The following SYTL3 variants were observed in gnomAD, a reference collection of about 807,000 sequenced individuals.
The protein encoded by SYTL3 is synaptotagmin-like protein 3.
SYTL3 carries 88 observed loss-of-function variants against 82.1 expected under a neutral mutation model. The observed-to-expected ratio is 1.07, with a 90% CI of 0.90 to 1.28. SYTL3 has a LOEUF of 1.28. Among genes scored for constraint, SYTL3 ranks in the 50% most tolerant of loss-of-function variants. The pLI, the probability that SYTL3 is intolerant of heterozygous loss-of-function variation, is 0.00. For synonymous variants in SYTL3, 311 were observed against 289.4 expected (o/e 1.07, Z -0.76); for missense variants, 831 against 757.6 (o/e 1.10, Z -1.14).
At chr6:158,713,988 C>A in intron 9 of SYTL3, 110 bp downstream of exon 9, 1 of 774,990 alleles carries the variant, frequency 1.3e-6, no homozygotes. Context: ...AGGCCACTCA[C>A]TTTGTCTCTG....
chr6:158,651,665 G>T (rs765523857), intron 1 of SYTL3, 88 bp from the exon 2 acceptor site: 1 of 151,868 alleles, frequency 6.6e-6, no homozygotes, highest in Admixed American at 6.6e-5. Context: ...CAAGTTTAAA[G>T]TATGAATGCC....
intron 17 of SYTL3, 76 bp downstream of exon 17, chr6:158,763,585 C>G (rs925753334): frequency 1.4e-5 from 19 of 1,312,530 alleles, no homozygotes; most frequent in Non-Finnish European, 1.9e-5. Flanking sequence ...GAAAATGCTT[C>G]CACCAGGGCA....
At chr6:158,762,399 GAT>G (rs1188956098) in intron 16 of SYTL3, among the ~76,000 whole-genome samples, 1 of 152,072 alleles carries the variant, frequency 6.6e-6, no homozygotes, top group African/African-American at 2.4e-5. Context: ...TCAGTTCTGT[GAT>G]ATCAGGAAGC....
chr6:158,692,238 A>G (rs1445031573), intron 6 of SYTL3, among the ~76,000 whole-genome samples: 17 of 122,940 alleles, frequency 1.4e-4, no homozygotes, highest in African/African-American at 5.0e-4. Flanking sequence ...AGCCTGGGCG[A>G]CAGAGCGAGA....
At chr6:158,756,984 C>A (rs1324024705) in intron 13 of SYTL3, among the ~76,000 whole-genome samples, 3 of 150,788 alleles carry the variant, frequency 2.0e-5, no homozygotes, top group African/African-American at 7.3e-5. Context: ...GGGAGGGGTT[C>A]TTGAGCAGAG....
intron 6 of SYTL3, among the ~76,000 whole-genome samples, chr6:158,689,757 G>A (rs1446849601): frequency 2.0e-5 from 3 of 151,804 alleles, no homozygotes; most frequent in South Asian, 2.1e-4. Flanking sequence ...AGGTTCAAGC[G>A]ATTCTTCTGC....
At chr6:158,696,457 C>T (rs891487828) in intron 6 of SYTL3, among the ~76,000 whole-genome samples, 4 of 151,788 alleles carry the variant, frequency 2.6e-5, no homozygotes, top group Non-Finnish European at 5.9e-5. Context: ...CCTGCCTCGG[C>T]CTCCCAAAGT....
intron 13 of SYTL3, 91 bp from the exon 14 acceptor site, chr6:158,757,120 G>C (rs913347085): frequency 7.6e-7 from 1 of 1,309,346 alleles, no homozygotes; most frequent in African/African-American, 1.5e-5. Flanking sequence ...GCCCCGGGAA[G>C]TGGGGCCCTG....
At chr6:158,718,981 C>A (rs944269318) in intron 10 of SYTL3, among the ~76,000 whole-genome samples, 1 of 152,198 alleles carries the variant, frequency 6.6e-6, no homozygotes, top group African/African-American at 2.4e-5. Context: ...GTCAGCCCCC[C>A]TCTCCTGCTG....
intron 6 of SYTL3, among the ~76,000 whole-genome samples, chr6:158,683,834 T>C (rs964572948): frequency 6.6e-5 from 10 of 152,224 alleles, no homozygotes; most frequent in Non-Finnish European, 1.5e-5. Context: ...CAGAGGTTGA[T>C]GCTTGTGGAG....
chr6:158,721,082 A>G (rs949721531), intron 10 of SYTL3, among the ~76,000 whole-genome samples: 2 of 152,282 alleles, frequency 1.3e-5, no homozygotes, highest in East Asian at 1.9e-4. Context: ...GTGGGGAGAC[A>G]GTGGGGAGAG....
intron 11 of SYTL3, among the ~76,000 whole-genome samples, chr6:158,728,124 A>G (rs1447628981): frequency 2.6e-5 from 4 of 152,088 alleles, no homozygotes; most frequent in Non-Finnish European, 5.9e-5. Context: ...ATTTGGCAGC[A>G]TGTTCTTTTA....
chr6:158,668,093 G>C (rs1418109210), intron 5 of SYTL3, among the ~76,000 whole-genome samples: 3 of 152,222 alleles, frequency 2.0e-5, no homozygotes, highest in Admixed American at 6.5e-5. Context: ...AGAGACACAA[G>C]ATGGTTTGTC....
At chr6:158,704,454 A>G (rs1453204033) in intron 6 of SYTL3, among the ~76,000 whole-genome samples, 1 of 152,252 alleles carries the variant, frequency 6.6e-6, no homozygotes, top group Non-Finnish European at 1.5e-5. Flanking sequence ...ACCCGGGCCG[A>G]AGCGGAGGTT....
In SYTL3 at chr6:158,764,532, A is replaced by G; in HGVS notation, c.1761A>G (p.Leu587=). The G allele has an allele frequency of 1.2e-6, 2 of 1,614,072 alleles. No individual in the cohort carries two copies. ...CTGTTGGCGGGGATGCATGCTCACT[A>G]TCGAAGCTCCAGTGGCAGAAAGTCC... ...DTAVGGDACS[L]SKLQWQKVLS... is the part of the protein sequence containing the mutation. The change falls in exon 18 of 18, where the codon CTA becomes CTG. Residue 587 remains leucine, a synonymous_variant. Transcript: ENST00000611299.
chr6:158,737,039 C>CA (rs201499466), intron 11 of SYTL3, among the ~76,000 whole-genome samples: 30,358 of 113,604 alleles, frequency 0.27, 3,389 homozygotes, highest in Non-Finnish European at 0.34. Flanking sequence ...CATTTCATGG[C>CA]AAAAAAAAAA....
In SYTL3 at chr6:158,674,734, G is replaced by T. The variant is rs73797077; in HGVS notation, c.330-8191G>T. Reference sequence around the variant, plus strand: ...GAATTTTTCCTAATTTCATTGACTGGTTATCTGATATAACAGACCAGGAGT... The same window carrying T: ...GAATTTTTCCTAATTTCATTGACTGTTTATCTGATATAACAGACCAGGAGT... On this transcript the variant is annotated intron_variant, in intron 5 of 17. Coordinates refer to ENST00000611299, the MANE Select transcript of SYTL3 (RefSeq NM_001242394.2). Among the ~76,000 whole-genome samples the T allele has an allele frequency of 7.6e-3, 1,159 of 152,248 alleles. 10 individuals carry two copies. Among genetic ancestry groups the T allele is most frequent in the African/African-American group, 0.026 (1,080 of 41,536 alleles).
At chr6:158,648,801 C>T (rs1175771375), upstream of SYTL3, among the ~76,000 whole-genome samples, 9 of 152,216 alleles carry the variant, frequency 5.9e-5, no homozygotes, top group South Asian at 1.7e-3. Context: ...GCTGTTGAAA[C>T]ACTCATGGCT....
At chr6:158,737,763 GGGAA>G (rs1184081581) in intron 11 of SYTL3, among the ~76,000 whole-genome samples, 1 of 152,224 alleles carries the variant, frequency 6.6e-6, no homozygotes, top group Non-Finnish European at 1.5e-5. Context: ...TGAGTCGCCT[GGGAA>G]GGAACGCATT....
Sources: allele counts gnomAD v4.1 joint callset (sites outside exome capture counted in the v4.1 genomes callset), GRCh38; gene constraint gnomAD v4.1.1; transcripts MANE v1.5; gene names NCBI Gene and HGNC (gene_info 2026-07-23, HGNC 2026-07-21).